The following FHIT variants were observed in gnomAD, a reference collection of about 807,000 sequenced individuals.
FHIT encodes the protein fragile histidine triad diadenosine triphosphatase.
FHIT carries 19 observed loss-of-function variants against 17.9 expected under a neutral mutation model. That is an observed-to-expected ratio of 1.06 (90% CI 0.74 to 1.56). The LOEUF is 1.56. FHIT is among the 40% of genes most tolerant of loss of function. The pLI is 0.00. For synonymous variants in FHIT, 81 were observed against 69.7 expected (o/e 1.16, Z -0.81); for missense variants, 248 against 189.2 (o/e 1.31, Z -1.82).
At chr3:60,632,110 T>C (rs2039460321) in intron 4 of FHIT, among the ~76,000 whole-genome samples, 1 of 152,142 alleles carries the variant, frequency 6.6e-6, no homozygotes. Flanking sequence ...TTGTTTTTTT[T>C]TAATTGCAAC....
chr3:60,613,648 T>A (rs1406960221), intron 4 of FHIT, among the ~76,000 whole-genome samples: 3 of 152,138 alleles, frequency 2.0e-5, no homozygotes, highest in Non-Finnish European at 4.4e-5. Flanking sequence ...TACTTCCTTT[T>A]CTTTAACTTC....
intron 4 of FHIT, among the ~76,000 whole-genome samples, chr3:60,744,272 A>AAAAC (rs1559688195): frequency 2.9e-4 from 26 of 90,010 alleles, no homozygotes; most frequent in African/African-American, 7.0e-4. Flanking sequence ...ACAAAACAAA[A>AAAAC]AAAAAAAAAA....
intron 3 of FHIT, among the ~76,000 whole-genome samples, chr3:60,922,859 T>C (rs1029618094): frequency 2.0e-5 from 3 of 152,260 alleles, no homozygotes; most frequent in Non-Finnish European, 4.4e-5. Flanking sequence ...TGTGGAATCC[T>C]ACTTTGCATC....
At chr3:61,172,675 T>C (rs1172038471) in intron 2 of FHIT, among the ~76,000 whole-genome samples, 1 of 145,196 alleles carries the variant, frequency 6.9e-6, no homozygotes, top group Non-Finnish European at 1.5e-5. Flanking sequence ...TATGTGACTA[T>C]GTCCAAACAC....
intron 1 of FHIT, among the ~76,000 whole-genome samples, chr3:61,249,418 G>T (rs1174221734): frequency 6.6e-6 from 1 of 152,178 alleles, no homozygotes; most frequent in African/African-American, 2.4e-5. Context: ...AAAGGTTTTT[G>T]CAGCTCAAAT....
chr3:60,439,070 A>C (rs949094208), intron 5 of FHIT, among the ~76,000 whole-genome samples: 1 of 152,170 alleles, frequency 6.6e-6, no homozygotes, highest in African/African-American at 2.4e-5. Context: ...TTAGATGGAG[A>C]AATCTTTACA....
At chr3:60,303,963 T>A (rs1708556355) in intron 5 of FHIT, among the ~76,000 whole-genome samples, 1 of 152,130 alleles carries the variant, frequency 6.6e-6, no homozygotes, top group Non-Finnish European at 1.5e-5. Context: ...TCATGATGCA[T>A]TTCCCTCCAA....
chr3:61,132,384 C>T (rs1040714742), intron 2 of FHIT, among the ~76,000 whole-genome samples: 1 of 152,184 alleles, frequency 6.6e-6, no homozygotes, highest in Non-Finnish European at 1.5e-5. Flanking sequence ...ATTTACTGAA[C>T]ACCTGCTGTA....
At chr3:60,629,038 G>A (rs1054212139) in intron 4 of FHIT, among the ~76,000 whole-genome samples, 5 of 152,064 alleles carry the variant, frequency 3.3e-5, no homozygotes, top group Non-Finnish European at 5.9e-5. Context: ...TCCCATACCC[G>A]GGGTAGAACA....
intron 5 of FHIT, among the ~76,000 whole-genome samples, chr3:60,087,013 T>C (rs779562401): frequency 1.3e-5 from 2 of 152,130 alleles, no homozygotes; most frequent in Non-Finnish European, 2.9e-5. Context: ...TCTAAAATCC[T>C]CTGAAATCTA....
At chr3:60,993,123 C>T (rs937359639) in intron 3 of FHIT, among the ~76,000 whole-genome samples, 1 of 152,150 alleles carries the variant, frequency 6.6e-6, no homozygotes, top group South Asian at 2.1e-4. Flanking sequence ...TACATGCTCA[C>T]TAGAATGGTT....
At chr3:59,992,370 G>T (rs993622665) in intron 7 of FHIT, among the ~76,000 whole-genome samples, 6 of 152,026 alleles carry the variant, frequency 3.9e-5, no homozygotes, top group Non-Finnish European at 7.4e-5. Flanking sequence ...ATAGATGCCC[G>T]TTTTAATTTA....
At chr3:60,777,817 A>T (rs1274998927) in intron 4 of FHIT, among the ~76,000 whole-genome samples, 1 of 152,084 alleles carries the variant, frequency 6.6e-6, no homozygotes, top group Non-Finnish European at 1.5e-5. Flanking sequence ...GTAAGCCATG[A>T]CTCCCCAGGC....
intron 5 of FHIT, among the ~76,000 whole-genome samples, chr3:60,326,498 G>C (rs1029977280): frequency 1.3e-5 from 2 of 152,070 alleles, no homozygotes; most frequent in South Asian, 2.1e-4. Flanking sequence ...AGTGATGGGG[G>C]AGCGGCTGTA....
intron 5 of FHIT, among the ~76,000 whole-genome samples, chr3:60,246,399 T>C (rs1467188844): frequency 6.6e-6 from 1 of 152,094 alleles, no homozygotes; most frequent in Non-Finnish European, 1.5e-5. Context: ...CTCTTTTACT[T>C]TACAAACTAG....
chr3:60,293,715 A>G (rs1168767947), intron 5 of FHIT, among the ~76,000 whole-genome samples: 1 of 152,160 alleles, frequency 6.6e-6, no homozygotes, highest in Non-Finnish European at 1.5e-5. Context: ...GGATTTAGGG[A>G]AAATCAACAG....
intron 4 of FHIT, among the ~76,000 whole-genome samples, chr3:60,772,150 A>T (rs1700065137): frequency 9.9e-6 from 1 of 100,522 alleles, no homozygotes; most frequent in African/African-American, 5.2e-5. Flanking sequence ...TGCATTCTTC[A>T]GAAGAAAAAA....
intron 2 of FHIT, among the ~76,000 whole-genome samples, chr3:61,061,759 T>C (rs1377083361): frequency 6.6e-6 from 1 of 152,102 alleles, no homozygotes; most frequent in Non-Finnish European, 1.5e-5. Flanking sequence ...AAATATAAAA[T>C]GATAATTACA....
At chr3:59,969,153 G>T (rs770762972) in intron 7 of FHIT, among the ~76,000 whole-genome samples, 1 of 152,096 alleles carries the variant, frequency 6.6e-6, no homozygotes, top group Non-Finnish European at 1.5e-5. Flanking sequence ...AACAACAATA[G>T]AAGTCCTCTG....
Sources: allele counts gnomAD v4.1 joint callset (sites outside exome capture counted in the v4.1 genomes callset), GRCh38; gene constraint gnomAD v4.1.1; transcripts MANE v1.5; gene names NCBI Gene and HGNC (gene_info 2026-07-23, HGNC 2026-07-21).